Variants in PTPRR observed in about 807,000 individuals in gnomAD.
PTPRR encodes the protein receptor-type tyrosine-protein phosphatase R.
Under a neutral mutation model 77.2 loss-of-function variants are expected in PTPRR, and 38 were observed. That is an observed-to-expected ratio of 0.49 (90% CI 0.38 to 0.65). PTPRR has a LOEUF of 0.65. Ranked by LOEUF, PTPRR falls within the 30% of genes least tolerant of loss-of-function variation. The probability of loss-of-function intolerance (pLI) is 0.00; values close to 1 mark genes in which losing one functional copy is unlikely to be tolerated. For synonymous variants in PTPRR, 299 were observed against 283.1 expected, an observed-to-expected ratio of 1.06 and a Z score of -0.57; for missense variants, 744 against 799.2, an observed-to-expected ratio of 0.93 and a Z score of 0.83.
At chr12:70,695,954 G>C (rs573921028) in intron 8 of PTPRR, among the ~76,000 whole-genome samples, 1 of 152,162 alleles carries the variant, frequency 6.6e-6, no homozygotes, top group South Asian at 2.1e-4. Context: ...AACAGTAATT[G>C]TTTAATTACT....
At chr12:70,842,411 G>C (rs1415746894) in intron 2 of PTPRR, among the ~76,000 whole-genome samples, 9 of 152,176 alleles carry the variant, frequency 5.9e-5, no homozygotes, top group Non-Finnish European at 1.3e-4. Context: ...GCTGCTGTAA[G>C]AAGTTACCAC....
chr12:70,838,112 T>C (rs910318876), intron 2 of PTPRR, among the ~76,000 whole-genome samples: 2 of 152,160 alleles, frequency 1.3e-5, no homozygotes, highest in African/African-American at 4.8e-5. Context: ...TCTTGTCTTG[T>C]CTTTGATCCT....
At chr12:70,821,375 C>A (rs1470075526) in intron 2 of PTPRR, among the ~76,000 whole-genome samples, 2 of 151,370 alleles carry the variant, frequency 1.3e-5, no homozygotes, top group African/African-American at 2.4e-5. Flanking sequence ...CAGGCACACA[C>A]CACCACGCCC....
chr12:70,920,568 C>T lies in PTPRR; in HGVS notation c.-178G>A, dbSNP rs1893842257. 3.3e-6 allele frequency: 2 copies of T among 598,150 alleles called. No homozygotes were observed. The highest frequency in any genetic ancestry group is 1.9e-5 in the African/African-American group (1 of 53,964). The allele number at this position is 598,150 out of a possible 1,614,324, so 37.1% of individuals were successfully genotyped here. A position where few individuals can be genotyped will look rare whatever the true frequency, so the allele number is the denominator to read the frequency against. On this transcript the variant is annotated 5_prime_UTR_variant, in exon 1 of 14. The change abolishes the stop of an existing upstream ORF in the 5' untranslated region. Transcript: ENST00000283228. ...GAAACCAGCACCAGCTTCAACCTCC[C>T]TAAGAGAGGGAGAGAGGAAGAGCAG...
chr12:70,645,219 G>T (rs1217237249), intron 13 of PTPRR, among the ~76,000 whole-genome samples: 1 of 152,172 alleles, frequency 6.6e-6, no homozygotes, highest in African/African-American at 2.4e-5. Context: ...TTCTGTGGAA[G>T]ATTCTGCCTG....
At chr12:70,645,825 G>A (rs1475179226) in intron 13 of PTPRR, among the ~76,000 whole-genome samples, 7 of 138,338 alleles carry the variant, frequency 5.1e-5, no homozygotes, top group Non-Finnish European at 7.5e-5. Context: ...GGTTAGAAAG[G>A]GAAAAAAAAA....
At chr12:70,823,787 C>G (rs1414684911) in intron 2 of PTPRR, among the ~76,000 whole-genome samples, 1 of 152,126 alleles carries the variant, frequency 6.6e-6, no homozygotes, top group African/African-American at 2.4e-5. Flanking sequence ...GAAGGCAGGG[C>G]CAGCAGCAGC....
intron 3 of PTPRR, among the ~76,000 whole-genome samples, chr12:70,762,947 C>T (rs1169316632): frequency 2.0e-5 from 3 of 152,202 alleles, no homozygotes; most frequent in African/African-American, 7.2e-5. Flanking sequence ...TGGCAAATCC[C>T]TCCTTCACCC....
chr12:70,650,959 C>T (rs959967124), intron 13 of PTPRR, among the ~76,000 whole-genome samples: 2 of 152,208 alleles, frequency 1.3e-5, no homozygotes, highest in Admixed American at 6.5e-5. Flanking sequence ...TGGGTTAATG[C>T]TTTGCTGTCA....
chr12:70,642,093 T>C (rs2717445), intron 13 of PTPRR, among the ~76,000 whole-genome samples: 61,408 of 151,862 alleles, frequency 0.4, 15,261 homozygotes, highest in African/African-American at 0.69. Flanking sequence ...TTATTTTCTC[T>C]TCCAGCTGCA....
chr12:70,878,674 A>C (rs1893095582), intron 2 of PTPRR, among the ~76,000 whole-genome samples: 1 of 152,228 alleles, frequency 6.6e-6, no homozygotes. Context: ...TAGTTCAACC[A>C]CTGTGGAAGA....
intron 6 of PTPRR, among the ~76,000 whole-genome samples, chr12:70,704,526 A>G (rs1050718646): frequency 6.6e-6 from 1 of 152,140 alleles, no homozygotes; most frequent in Non-Finnish European, 1.5e-5. Context: ...GACTTCCCAC[A>G]GTATACGCTG....
chr12:70,788,674 C>T, intron 2 of PTPRR: 1 of 669,826 alleles, frequency 1.5e-6, no homozygotes, highest in Non-Finnish European at 2.6e-6. Context: ...AAAGATATTT[C>T]CCTAGATATC....
At chr12:70,901,705 A>G (rs916379213) in intron 1 of PTPRR, among the ~76,000 whole-genome samples, 1 of 151,762 alleles carries the variant, frequency 6.6e-6, no homozygotes. Flanking sequence ...CGAGGATTTC[A>G]TGGCCAATAA....
chr12:70,770,539 G>C (rs1379936676), intron 2 of PTPRR, among the ~76,000 whole-genome samples: 1 of 152,136 alleles, frequency 6.6e-6, no homozygotes, highest in Non-Finnish European at 1.5e-5. Flanking sequence ...TGGAGAAATA[G>C]GAACACTTTT....
chr12:70,879,009 A>C (rs575395262), intron 2 of PTPRR, among the ~76,000 whole-genome samples: 1 of 152,126 alleles, frequency 6.6e-6, no homozygotes, highest in African/African-American at 2.4e-5. Flanking sequence ...AGAACAAAAA[A>C]CCAAACACCA....
chr12:70,848,264 A>G (rs1892517945), intron 2 of PTPRR, among the ~76,000 whole-genome samples: 1 of 152,188 alleles, frequency 6.6e-6, no homozygotes, highest in Non-Finnish European at 1.5e-5. Context: ...CGGTTCTATG[A>G]CCAATTTTTA....
chr12:70,728,147 T>A (rs555901863), intron 6 of PTPRR, among the ~76,000 whole-genome samples: 3 of 151,254 alleles, frequency 2.0e-5, no homozygotes, highest in Non-Finnish European at 4.4e-5. Flanking sequence ...ACAGGTTGAG[T>A]ATCCCTGTAT....
At position 70,832,972 on chromosome 12, in the gene PTPRR, C is replaced by T. The variant is rs183639305; in HGVS notation, c.357+59707G>A. On this transcript the variant is annotated intron_variant, in intron 2 of 13. Transcript: ENST00000283228. ...AGGTTCCTGTTCCCTACAAATGTGC[C>T]AGGGCAGATTCAGAAACTATCTGAA... Among the ~76,000 whole-genome samples, 939 of 152,160 alleles carry T rather than the reference C, an allele frequency of 6.2e-3. 5 individuals are homozygous for T. Among genetic ancestry groups the T allele is most frequent in the Non-Finnish European group, 0.011 (755 of 68,004 alleles).
Sources: gnomAD v4.1 joint callset for allele counts (sites outside exome capture counted in the v4.1 genomes callset) on GRCh38, gnomAD v4.1.1 for gene constraint, MANE v1.5 for transcripts, NCBI Gene and HGNC (gene_info 2026-07-23, HGNC 2026-07-21) for gene names.